The following ARHGEF18 variants were observed in gnomAD, a reference collection of about 807,000 sequenced individuals.
The protein encoded by ARHGEF18 is Rho/Rac guanine nucleotide exchange factor 18, also known as rho guanine nucleotide exchange factor 18.
Under a neutral mutation model 155.7 loss-of-function variants are expected in ARHGEF18, and 93 were observed. The ratio of observed to expected loss-of-function variants is 0.60; its 90% CI spans 0.50 to 0.71. The LOEUF (loss-of-function observed/expected upper bound fraction) is 0.71, where lower values mean the gene tolerates loss of function less well. Ranked by LOEUF, ARHGEF18 falls within the 30% of genes least tolerant of loss-of-function variation. The pLI, the probability that ARHGEF18 is intolerant of heterozygous loss-of-function variation, is 0.00. For synonymous variants in ARHGEF18, 742 were observed against 753.1 expected (o/e 0.99, Z 0.24); for missense variants, 1,593 against 1,816.1 (o/e 0.88, Z 2.23).
At chr19:7,349,876 T>C (rs1281177258) in intron 1 of ARHGEF18, among the ~76,000 whole-genome samples, 1 of 152,118 alleles carries the variant, frequency 6.6e-6, no homozygotes, top group Non-Finnish European at 1.5e-5. Context: ...CATCTTAAAC[T>C]GCAGATTCCG....
intron 1 of ARHGEF18, chr19:7,355,668 C>T (rs1298052220): frequency 1.0e-6 from 1 of 985,384 alleles, no homozygotes; most frequent in Non-Finnish European, 1.2e-6. Context: ...CCGGCCTTCT[C>T]CAAGCTGTGG....
chr19:7,478,321 A>G, the ARHGEF18 span: 1 of 1,611,022 alleles, frequency 6.2e-7, no homozygotes, highest in African/African-American at 1.3e-5. Flanking sequence ...TACCTGGTGA[A>G]GGGCGCCGTG....
intron 14 of ARHGEF18, 42 bp from the exon 15 acceptor site, chr19:7,447,001 G>C: frequency 6.2e-7 from 1 of 1,601,924 alleles, no homozygotes; most frequent in Non-Finnish European, 8.5e-7. Flanking sequence ...CTCTTTGGCA[G>C]TTTTCGTGTT....
At chr19:7,396,603 T>A (rs920293977) in intron 10 of ARHGEF18, among the ~76,000 whole-genome samples, 7 of 151,786 alleles carry the variant, frequency 4.6e-5, no homozygotes, top group African/African-American at 1.7e-4. Flanking sequence ...TAGTTCCAGC[T>A]ACTCTGGAGG....
At chr19:7,461,306 T>C (rs901659813) in intron 20 of ARHGEF18, among the ~76,000 whole-genome samples, 6 of 152,032 alleles carry the variant, frequency 3.9e-5, no homozygotes, top group African/African-American at 1.4e-4. Flanking sequence ...CCCAGCACTT[T>C]GGGAGGCCAA....
chr19:7,415,711 G>A (rs984904803), intron 10 of ARHGEF18, among the ~76,000 whole-genome samples: 2 of 151,702 alleles, frequency 1.3e-5, no homozygotes, highest in African/African-American at 2.4e-5. Flanking sequence ...CACATGACAG[G>A]CCTCGTGCCA....
intron 15 of ARHGEF18, among the ~76,000 whole-genome samples, chr19:7,449,038 G>C (rs558516036): frequency 1.3e-5 from 2 of 152,256 alleles, no homozygotes; most frequent in East Asian, 1.9e-4. Context: ...AGGTAGGAAA[G>C]GGGGAGGATC....
intron 15 of ARHGEF18, among the ~76,000 whole-genome samples, chr19:7,449,488 G>A (rs572014417): frequency 1.3e-5 from 2 of 152,168 alleles, no homozygotes; most frequent in Non-Finnish European, 2.9e-5. Flanking sequence ...CAGGAGAATC[G>A]CTTAAACTTG....
chr19:7,420,030 A>T (rs34634484), intron 10 of ARHGEF18, among the ~76,000 whole-genome samples: 23,370 of 151,742 alleles, frequency 0.15, 3,771 homozygotes, highest in African/African-American at 0.41. Context: ...AGGTGCACCC[A>T]CACTCAGCCC....
intron 10 of ARHGEF18, among the ~76,000 whole-genome samples, chr19:7,384,935 T>A (rs186784626): frequency 2.0e-5 from 3 of 152,250 alleles, no homozygotes; most frequent in Admixed American, 2.0e-4. Context: ...ACTCAAGCGA[T>A]CCTCCCGCCT....
intron 16 of ARHGEF18, 119 bp from the exon 17 acceptor site, chr19:7,453,348 C>G (rs978478206): frequency 8.2e-7 from 1 of 1,220,928 alleles, no homozygotes; most frequent in Non-Finnish European, 1.1e-6. Flanking sequence ...AGATCCCACA[C>G]GCCCATACAT....
chr19:7,433,593 T>C (rs1396928101), intron 10 of ARHGEF18, among the ~76,000 whole-genome samples: 2 of 151,298 alleles, frequency 1.3e-5, no homozygotes, highest in African/African-American at 4.9e-5. Context: ...GCCGTTTTCA[T>C]GTAATTTTTG....
chr19:7,411,803 C>T (rs373395518), intron 10 of ARHGEF18, among the ~76,000 whole-genome samples: 5 of 152,162 alleles, frequency 3.3e-5, no homozygotes, highest in African/African-American at 9.6e-5. Flanking sequence ...ATTCTACTTC[C>T]TGTCTCTATG....
chr19:7,464,028 T>C (rs1420112872), intron 22 of ARHGEF18, 73 bp downstream of exon 22: 20 of 1,467,306 alleles, frequency 1.4e-5, no homozygotes, highest in Middle Eastern at 1.8e-4. Flanking sequence ...GTATGGGGTT[T>C]CCTAGAACTT....
At chr19:7,424,389 A>G in intron 10 of ARHGEF18, among the ~76,000 whole-genome samples, 1 of 152,160 alleles carries the variant, frequency 6.6e-6, no homozygotes, top group Admixed American at 6.6e-5. Flanking sequence ...TCCTTGGGAA[A>G]AGCAATTTGG....
chr19:7,436,815 C>G (rs761558962), intron 10 of ARHGEF18, among the ~76,000 whole-genome samples: 2 of 152,094 alleles, frequency 1.3e-5, no homozygotes, highest in Non-Finnish European at 2.9e-5. Context: ...ACCGTGTCGC[C>G]TTTGGTTTAG....
chr19:7,479,223 C>T, the ARHGEF18 span, among the ~76,000 whole-genome samples: 1 of 152,228 alleles, frequency 6.6e-6, no homozygotes, highest in Non-Finnish European at 1.5e-5. Context: ...ATGGCTCACA[C>T]CTGTAATCCC....
chr19:7,455,819 G>A (rs1320038497), intron 17 of ARHGEF18, among the ~76,000 whole-genome samples: 1 of 151,830 alleles, frequency 6.6e-6, no homozygotes, highest in African/African-American at 2.4e-5. Context: ...CAGGCAAAGA[G>A]AGAGGGAGCT....
intron 10 of ARHGEF18, among the ~76,000 whole-genome samples, chr19:7,434,411 A>G (rs1974140669): frequency 6.6e-6 from 1 of 152,118 alleles, no homozygotes; most frequent in Admixed American, 6.6e-5. Context: ...TCAGGTCAGA[A>G]CTGTTTTGAT....
Sources: allele counts gnomAD v4.1 joint callset (sites outside exome capture counted in the v4.1 genomes callset), GRCh38; gene constraint gnomAD v4.1.1; transcripts MANE v1.5; gene names NCBI Gene and HGNC (gene_info 2026-07-23, HGNC 2026-07-21).